The following ARHGAP42 variants were observed in gnomAD, a reference collection of about 807,000 sequenced individuals.
The protein encoded by ARHGAP42 is Rho GTPase activating protein 42.
In ARHGAP42, 63 loss-of-function variants were observed where a neutral mutation model predicts 125.0. That is an observed-to-expected ratio of 0.50 (90% CI 0.41 to 0.62). The LOEUF is 0.62. ARHGAP42 is among the 20% of genes least tolerant of loss of function. The probability of loss-of-function intolerance (pLI) is 0.00; values close to 1 mark genes in which losing one functional copy is unlikely to be tolerated. For synonymous variants in ARHGAP42, 339 were observed against 351.0 expected (o/e 0.97, Z 0.38); for missense variants, 766 against 1,024.2 (o/e 0.75, Z 3.44).
At chr11:100,950,683 A>G (rs1469608346) in intron 12 of ARHGAP42, among the ~76,000 whole-genome samples, 2 of 152,012 alleles carry the variant, frequency 1.3e-5, no homozygotes, top group Admixed American at 1.3e-4. Flanking sequence ...TGGTTAGTTT[A>G]GGGTATTTTC....
chr11:100,941,740 C>A (rs758331954), intron 8 of ARHGAP42, 44 bp from the exon 9 acceptor site: 22 of 1,227,320 alleles, frequency 1.8e-5, no homozygotes, highest in Non-Finnish European at 2.3e-5. Flanking sequence ...TGATACAAAT[C>A]ATTTATTAAC....
chr11:100,726,426 T>C (rs1255008216), intron 1 of ARHGAP42, among the ~76,000 whole-genome samples: 1 of 152,206 alleles, frequency 6.6e-6, no homozygotes, highest in Non-Finnish European at 1.5e-5. Flanking sequence ...TGGTTGCTAT[T>C]GTTCAATAAT....
chr11:100,783,852 C>G (rs1009304716), intron 2 of ARHGAP42, among the ~76,000 whole-genome samples: 1 of 152,178 alleles, frequency 6.6e-6, no homozygotes, highest in African/African-American at 2.4e-5. Context: ...TAATGAGTGT[C>G]TTCTGAGTGC....
rs781735767 is a variant in ARHGAP42 at position 100,959,956 on chromosome 11, C to A, written c.1225+11C>A. Reference sequence around the variant, plus strand: ...CTGTGGAAACAAGAGGTCAGTGTTGCCTGATTGGTACAGCATCCCTGTCAT... The same window carrying A: ...CTGTGGAAACAAGAGGTCAGTGTTGACTGATTGGTACAGCATCCCTGTCAT... On this transcript the variant is annotated intron_variant, in intron 13 of 23. Transcript: ENST00000298815. 8.4e-6 allele frequency: 13 copies of A among 1,549,506 alleles called. No individual in the cohort carries two copies. The highest frequency in any genetic ancestry group is 1.7e-4 in the Middle Eastern group (1 of 5,922).
intron 3 of ARHGAP42, among the ~76,000 whole-genome samples, chr11:100,854,457 C>T (rs1175755860): frequency 6.6e-6 from 1 of 152,160 alleles, no homozygotes; most frequent in Non-Finnish European, 1.5e-5. Flanking sequence ...AATTGAATGA[C>T]TAGTATCCAG....
At chr11:100,704,771 C>A (rs1207263962) in intron 1 of ARHGAP42, among the ~76,000 whole-genome samples, 1 of 151,274 alleles carries the variant, frequency 6.6e-6, no homozygotes, top group African/African-American at 2.4e-5. Context: ...CCAGCCTGGG[C>A]AAAGCAAGAA....
At chr11:100,758,901 T>C (rs913828597) in intron 1 of ARHGAP42, among the ~76,000 whole-genome samples, 3 of 152,208 alleles carry the variant, frequency 2.0e-5, no homozygotes, top group Admixed American at 6.5e-5. Flanking sequence ...TTAATATTTT[T>C]TTAATTAGAT....
intron 3 of ARHGAP42, among the ~76,000 whole-genome samples, chr11:100,817,494 T>A (rs1864295351): frequency 6.6e-6 from 1 of 152,224 alleles, no homozygotes; most frequent in Non-Finnish European, 1.5e-5. Context: ...TCTCTTTATG[T>A]GTAAGTTGAA....
chr11:100,917,012 A>AGTTTGTGT (rs1391285347), intron 5 of ARHGAP42, among the ~76,000 whole-genome samples: 1 of 53,794 alleles, frequency 1.9e-5, no homozygotes, highest in Non-Finnish European at 3.3e-5. Context: ...TTTTAAAATA[A>AGTTTGTGT]GTTTGTGTGT....
intron 1 of ARHGAP42, among the ~76,000 whole-genome samples, chr11:100,718,330 C>A (rs757402025): frequency 2.0e-5 from 3 of 152,132 alleles, no homozygotes; most frequent in South Asian, 2.1e-4. Context: ...GCATCTGATA[C>A]TAAGGTCAAG....
intron 18 of ARHGAP42, among the ~76,000 whole-genome samples, chr11:100,974,160 T>G (rs1565302260): frequency 6.6e-6 from 1 of 152,220 alleles, no homozygotes; most frequent in Non-Finnish European, 1.5e-5. Flanking sequence ...GTTATGTTTT[T>G]TCAGAGTATG....
intron 22 of ARHGAP42, among the ~76,000 whole-genome samples, chr11:100,979,799 T>C (rs1213421013): frequency 6.6e-6 from 1 of 152,186 alleles, no homozygotes; most frequent in Non-Finnish European, 1.5e-5. Flanking sequence ...TAACAAACCT[T>C]GATTTTTCCT....
intron 3 of ARHGAP42, among the ~76,000 whole-genome samples, chr11:100,809,484 C>T (rs1054665009): frequency 6.6e-6 from 1 of 152,202 alleles, no homozygotes; most frequent in African/African-American, 2.4e-5. Context: ...TTAACATTGT[C>T]ATTTGAACAG....
At chr11:100,845,037 C>G (rs1865028922) in intron 3 of ARHGAP42, among the ~76,000 whole-genome samples, 1 of 151,622 alleles carries the variant, frequency 6.6e-6, no homozygotes, top group Admixed American at 6.6e-5. Context: ...TGGATACAAC[C>G]CAAATTCCTA....
intron 3 of ARHGAP42, among the ~76,000 whole-genome samples, chr11:100,828,289 G>A (rs998307891): frequency 6.6e-6 from 1 of 152,042 alleles, no homozygotes; most frequent in Non-Finnish European, 1.5e-5. Context: ...GTTTTGCAAA[G>A]TTCAGGGGAA....
At chr11:100,988,118 C>T (rs562594107) in intron 23 of ARHGAP42, among the ~76,000 whole-genome samples, 13 of 152,260 alleles carry the variant, frequency 8.5e-5, no homozygotes, top group African/African-American at 3.1e-4. Flanking sequence ...CACAGCAAGA[C>T]TCTGTCTATA....
Position 100,835,372 on chromosome 11 carries a change from A to G in ARHGAP42, c.313-24182A>G, listed in dbSNP as rs188721994. On this transcript the variant is annotated intron_variant, in intron 3 of 23. Coordinates refer to ENST00000298815, the MANE Select transcript of ARHGAP42 (RefSeq NM_152432.4). ...AATTTAACCCTAAAGGTTTCTGACT[A>G]TAAAACTTAAAGTCCTAAGGTGTCC... is the stretch of plus-strand genomic sequence containing the variant. Among the ~76,000 whole-genome samples the G allele has an allele frequency of 7.4e-3, 1,122 of 152,266 alleles. 9 individuals are homozygous for G. Among genetic ancestry groups the G allele is most frequent in the Middle Eastern group, 0.02 (6 of 294 alleles).
rs200190230 is a variant in ARHGAP42 at position 100,992,434 on chromosome 11, C to G, written c.*3633C>G. Reference sequence around the variant, plus strand: ...TGACTAAAGGTTTCCCCTTAGGGTACACATTGCTATTTAACTTTGCCTCCT... The same window carrying G: ...TGACTAAAGGTTTCCCCTTAGGGTAGACATTGCTATTTAACTTTGCCTCCT... On this transcript the variant is annotated 3_prime_UTR_variant, in exon 24 of 24. Transcript: ENST00000298815. 1 of 1,614,102 alleles carries G rather than the reference C, an allele frequency of 6.2e-7. No individual in the cohort carries two copies. The highest frequency in any genetic ancestry group is 1.3e-5 in the African/African-American group (1 of 75,052).
intron 4 of ARHGAP42, among the ~76,000 whole-genome samples, chr11:100,866,862 G>A (rs1324775218): frequency 6.6e-6 from 1 of 152,066 alleles, no homozygotes; most frequent in Non-Finnish European, 1.5e-5. Context: ...TTAATCATAA[G>A]ACTTGAAAGT....
Sources: gnomAD v4.1 joint callset for allele counts (sites outside exome capture counted in the v4.1 genomes callset) on GRCh38, gnomAD v4.1.1 for gene constraint, MANE v1.5 for transcripts, NCBI Gene and HGNC (gene_info 2026-07-23, HGNC 2026-07-21) for gene names.